C17orf50: variants seen among roughly 807,000 people sequenced by gnomAD.
C17orf50 encodes the protein plakoglobin binding and degradation factor, also known as uncharacterized protein C17orf50.
In C17orf50, 16 loss-of-function variants were observed where a neutral mutation model predicts 17.7. The observed-to-expected ratio is 0.90, with a 90% CI of 0.61 to 1.37. C17orf50 has a LOEUF of 1.37. Among genes scored for constraint, C17orf50 ranks in the 40% most tolerant of loss-of-function variants. The pLI is 0.00. For missense variants in C17orf50, 271 were observed against 240.7 expected, an observed-to-expected ratio of 1.13 and a Z score of -0.83; for synonymous variants, 125 against 111.0, an observed-to-expected ratio of 1.13 and a Z score of -0.80.
chr17:35,760,961 G>C lies in C17orf50; in HGVS notation c.13+7G>C. On this transcript the variant is annotated splice_region_variant and intron_variant, in intron 1 of 2. Transcript: ENST00000605587. The stretch of plus-strand genomic sequence containing the variant: ...GGAAGAATGGATAAGCATGGTGAGT[G>C]GGGCTGGAGGCAGGGTGGGGCTGGA... 1 of 1,612,834 alleles carries C rather than the reference G, an allele frequency of 6.2e-7. No individual in the cohort carries two copies. Among genetic ancestry groups the C allele is most frequent in the Non-Finnish European group, 8.5e-7 (1 of 1,179,518 alleles).
chr17:35,761,587 G>C (rs1555601523), intron 1 of C17orf50, among the ~76,000 whole-genome samples: 3 of 151,970 alleles, frequency 2.0e-5, no homozygotes, highest in African/African-American at 7.3e-5. Flanking sequence ...CTCCAGAATA[G>C]TCTTAACATC....
At chr17:35,762,863 C>T (rs1352710462) in intron 1 of C17orf50, among the ~76,000 whole-genome samples, 2 of 151,986 alleles carry the variant, frequency 1.3e-5, no homozygotes, top group Non-Finnish European at 2.9e-5. Context: ...CGGTGGCTCA[C>T]GTCTGTAATC....
In C17orf50 at chr17:35,764,222, T is replaced by G. The variant is rs1210100745; in HGVS notation, c.229T>G (p.Ser77Ala). ...SVSYCPLRQE[S>A]STQQVALLRR... ...GTCCTACTGCCCGCTGCGCCAGGAGTCCAGCACCCAGCAGGTGGCGCTGCT... is the reference window on the plus strand; with the variant it reads ...GTCCTACTGCCCGCTGCGCCAGGAGGCCAGCACCCAGCAGGTGGCGCTGCT... The change falls in exon 2 of 3, where the codon TCC becomes GCC. Residue 77 changes from serine to alanine, a missense_variant. Coordinates refer to ENST00000605587, the MANE Select transcript of C17orf50 (RefSeq NM_145272.4). 6.5e-7 allele frequency: 1 copy of G among 1,545,270 alleles called. No individual in the cohort carries two copies. The highest frequency in any genetic ancestry group is 8.7e-7 in the Non-Finnish European group (1 of 1,145,588).
intron 1 of C17orf50, among the ~76,000 whole-genome samples, chr17:35,761,412 G>A (rs587610245): frequency 7.0e-6 from 1 of 142,934 alleles, no homozygotes; most frequent in South Asian, 2.3e-4. Flanking sequence ...TGCCTGGCCT[G>A]TTTTTTGTTT....
intron 1 of C17orf50, among the ~76,000 whole-genome samples, chr17:35,761,932 A>G (rs1227242258): frequency 6.6e-6 from 1 of 152,194 alleles, no homozygotes; most frequent in Non-Finnish European, 1.5e-5. Flanking sequence ...CATGAGCAGT[A>G]CCTTTGCTCT....
At chr17:35,763,496 C>A (rs1555601925) in intron 1 of C17orf50, among the ~76,000 whole-genome samples, 1 of 148,338 alleles carries the variant, frequency 6.7e-6, no homozygotes, top group Non-Finnish European at 1.5e-5. Flanking sequence ...TTGTTGCCCA[C>A]ACTGGTCTCG....
In C17orf50 at chr17:35,764,443, A is replaced by T; in HGVS notation, c.350A>T (p.Glu117Val). The T allele has an allele frequency of 6.4e-7, 1 of 1,550,640 alleles. No homozygotes were observed. The highest frequency in any genetic ancestry group is 1.9e-5 in the Admixed American group (1 of 51,906). The change falls in exon 3 of 3, where the codon GAG (glutamate) becomes GTG (valine). Residue 117 changes from glutamate to valine, a missense_variant. Glu to Val is a moderately radical substitution (Grantham distance 121). Coordinates refer to ENST00000605587, the MANE Select transcript of C17orf50 (RefSeq NM_145272.4). The part of the protein sequence containing the change: ...APTDRKRSLP[E>V]EPCVLEIRRR... Reference sequence around the variant, plus strand: ...GCCGGCAGGAAGCGGAGCCTCCCGGAGGAGCCGTGCGTGCTGGAGATCCGG... The same window carrying T: ...GCCGGCAGGAAGCGGAGCCTCCCGGTGGAGCCGTGCGTGCTGGAGATCCGG...
Position 35,764,684 on chromosome 17 carries a change from T to A in C17orf50, c.*66T>A. On this transcript the variant is annotated 3_prime_UTR_variant, in exon 3 of 3. Coordinates refer to ENST00000605587, the MANE Select transcript of C17orf50 (RefSeq NM_145272.4). ...GGCCCCAGACCCCCTACCGACCTTC[T>A]CTCTTGGAGCGCGGAGCCCTCTTCG... The A allele has an allele frequency of 4.1e-6, 6 of 1,472,262 alleles. No individual in the cohort carries two copies. Among genetic ancestry groups the A allele is most frequent in the Non-Finnish European group, 5.4e-6 (6 of 1,112,178 alleles). 91.2% of individuals were successfully genotyped at this position (1,472,262 alleles called of 1,614,324 possible).
rs2085896612 is a variant in C17orf50, at chr17:35,764,532, A to C, written c.439A>C (p.Ser147Arg). ...GCTCCTCTTCTGCAAGAAATGCAGG[A>C]GTCTGCACAGCCACCCAGCCTATGT... is the stretch of plus-strand genomic sequence containing the variant. ...CELLFCKKCRSLHSHPAYVAH... is the reference protein window; with the variant it reads ...CELLFCKKCRRLHSHPAYVAH... Residue 147 changes from serine (S) to arginine (R), a missense_variant, in exon 3 of 3, where the codon AGT becomes CGT. Physicochemically the swap from Ser to Arg is moderately radical, Grantham distance 110. Coordinates refer to ENST00000605587, the MANE Select transcript of C17orf50 (RefSeq NM_145272.4). 1 of 1,599,096 alleles carries C rather than the reference A, an allele frequency of 6.3e-7. No homozygotes were observed. The highest frequency in any genetic ancestry group is 8.5e-7 in the Non-Finnish European group (1 of 1,175,350).
rs1555602406 is a variant in C17orf50, at chr17:35,764,552, C to T, written c.459C>T (p.Ala153=). 1 of 1,596,510 alleles carries T rather than the reference C, an allele frequency of 6.3e-7. No individual in the cohort carries two copies. Among genetic ancestry groups the T allele is most frequent in the South Asian group, 1.1e-5 (1 of 89,110 alleles). ...GCAGGAGTCTGCACAGCCACCCAGC[C>T]TATGTGGCGCACTGCGTTCTGGATC... is the stretch of plus-strand genomic sequence containing the variant. The part of the protein sequence containing the change: ...KKCRSLHSHP[A]YVAHCVLDHP... The change falls in exon 3 of 3, where the codon GCC becomes GCT. Residue 153 remains alanine, a synonymous_variant. Transcript: ENST00000605587.
intron 1 of C17orf50, among the ~76,000 whole-genome samples, chr17:35,762,652 G>A (rs1235588924): frequency 6.6e-5 from 10 of 152,108 alleles, no homozygotes; most frequent in Admixed American, 6.5e-4. Context: ...TGCCCATAGA[G>A]GGTCCTTTTT....
rs587685999 is a variant in C17orf50, at chr17:35,764,096, G to A, written c.103G>A (p.Glu35Lys). 1.9e-6 allele frequency: 3 copies of A among 1,550,342 alleles called. No individual in the cohort carries two copies. In the African/African-American group the frequency reaches 4.1e-5, roughly 21 times the overall value. The change falls in exon 2 of 3, where the codon GAG becomes AAG. Residue 35 changes from glutamate (E) to lysine (K), a missense_variant. Glu to Lys is a moderately conservative substitution (Grantham distance 56). Coordinates refer to ENST00000605587, the MANE Select transcript of C17orf50 (RefSeq NM_145272.4). ...GGAAGGGAAGGAGGGGTCGGAGGAC[G>A]AGGACGAGGACAACCAGAGGCCGCT... ...QEEGKEGSED[E>K]DEDNQRPLED...
chr17:35,761,865 C>T (rs1472417858), intron 1 of C17orf50, among the ~76,000 whole-genome samples: 1 of 152,218 alleles, frequency 6.6e-6, no homozygotes, highest in Admixed American at 6.5e-5. Flanking sequence ...CTCTGGAACC[C>T]TTTTCTAGCT....
rs1468606822 is a variant in C17orf50, at chr17:35,764,809, C to T, written c.*191C>T. Reference sequence around the variant, plus strand: ...TGCTTGGTTCCCATCTGTCACCTAGCGCCCCCAGTGCAGAGCCCAGCATAA... The same window carrying T: ...TGCTTGGTTCCCATCTGTCACCTAGTGCCCCCAGTGCAGAGCCCAGCATAA... On this transcript the variant is annotated 3_prime_UTR_variant, in exon 3 of 3. Transcript: ENST00000605587. The T allele has an allele frequency of 1.0e-5, 6 of 596,994 alleles. No individual in the cohort carries two copies. The highest frequency in any genetic ancestry group is 1.6e-5 in the Non-Finnish European group (6 of 368,232). 37.0% of individuals were successfully genotyped at this position (596,994 alleles called of 1,614,324 possible).
chr17:35,764,053 C>T lies in C17orf50; in HGVS notation c.60C>T (p.Ala20=), dbSNP rs782379593. The T allele has an allele frequency of 3.4e-5, 52 of 1,549,516 alleles. No homozygotes were observed. The highest frequency in any genetic ancestry group is 4.1e-5 in the Non-Finnish European group (47 of 1,146,468). Residue 20 remains alanine, a synonymous_variant, in exon 2 of 3, where the codon GCC becomes GCT. Transcript: ENST00000605587. ...LWKKETEELR[A]EDAEQEEGKE... is the part of the protein sequence containing the mutation. ...AGAAGGAAACGGAAGAGCTCCGGGC[C>T]GAGGACGCGGAGCAAGAGGAAGGGA...
At chr17:35,762,548 A>G (rs1328457369) in intron 1 of C17orf50, among the ~76,000 whole-genome samples, 2 of 152,142 alleles carry the variant, frequency 1.3e-5, no homozygotes, top group East Asian at 3.9e-4. Flanking sequence ...CACCAGCAAG[A>G]GGGGACAGTG....
intron 1 of C17orf50, among the ~76,000 whole-genome samples, chr17:35,762,275 C>A (rs587615162): frequency 6.5e-4 from 99 of 152,296 alleles, no homozygotes; most frequent in African/African-American, 2.3e-3. Flanking sequence ...CAGGCATGAG[C>A]CACCGTGCCC....
At chr17:35,763,045 CCGG>C (rs1555601796) in intron 1 of C17orf50, among the ~76,000 whole-genome samples, 2 of 151,788 alleles carry the variant, frequency 1.3e-5, no homozygotes, top group Non-Finnish European at 2.9e-5. Flanking sequence ...TGGCGTGAAC[CCGG>C]CAGGTGGAGC....
Position 35,764,278 on chromosome 17 carries a change from G to C in C17orf50, c.285G>C (p.Trp95Cys). The change falls in exon 2 of 3, where the codon TGG (tryptophan) becomes TGC (cysteine). Residue 95 changes from tryptophan (W) to cysteine (C), a missense_variant. Physicochemically the swap from Trp to Cys is radical, Grantham distance 215 (BLOSUM62 -2). Transcript: ENST00000605587. ...LRRADSGFWG[W>C]LGPLALLGGL... Reference sequence around the variant, plus strand: ...GCGCGGACAGCGGCTTCTGGGGCTGGCTCGGCCCCTTAGCGCTGCTGGGCG... The same window carrying C: ...GCGCGGACAGCGGCTTCTGGGGCTGCCTCGGCCCCTTAGCGCTGCTGGGCG... 2 of 1,534,368 alleles carry C rather than the reference G, an allele frequency of 1.3e-6. No homozygotes were observed. Among genetic ancestry groups the C allele is most frequent in the Non-Finnish European group, 1.8e-6 (2 of 1,141,562 alleles).
Sources: allele counts gnomAD v4.1 joint callset (sites outside exome capture counted in the v4.1 genomes callset), GRCh38; gene constraint gnomAD v4.1.1; transcripts MANE v1.5; gene names NCBI Gene and HGNC (gene_info 2026-07-23, HGNC 2026-07-21).